The following WWOX variants were observed in gnomAD, a reference collection of about 807,000 sequenced individuals.
WWOX encodes WW domain containing oxidoreductase.
Under a neutral mutation model 46.2 loss-of-function variants are expected in WWOX, and 69 were observed. That is an observed-to-expected ratio of 1.49 (90% CI 1.23 to 1.82). The LOEUF is 1.82. WWOX is among the 40% of genes most tolerant of loss of function. The pLI is 0.00. For missense variants in WWOX, 919 were observed against 542.6 expected (o/e 1.69, Z -6.89); for synonymous variants, 359 against 202.6 (o/e 1.77, Z -6.56).
chr16:78,594,938 C>T (rs545097771), intron 8 of WWOX, among the ~76,000 whole-genome samples: 4 of 152,166 alleles, frequency 2.6e-5, no homozygotes, highest in African/African-American at 7.2e-5. Flanking sequence ...GGGCCTGTCT[C>T]TCAGGAAAGC....
chr16:78,712,494 C>G (rs1287139430), intron 8 of WWOX, among the ~76,000 whole-genome samples: 8 of 149,576 alleles, frequency 5.3e-5, no homozygotes, highest in Non-Finnish European at 1.2e-4. Context: ...GAGTGAGACT[C>G]CATCTTAAAA....
intron 8 of WWOX, among the ~76,000 whole-genome samples, chr16:79,084,452 G>A (rs970150178): frequency 2.0e-5 from 3 of 152,008 alleles, no homozygotes; most frequent in South Asian, 4.1e-4. Context: ...ATGGAGTCTC[G>A]CTCTGTTGCC....
chr16:78,455,500 G>T (rs2083792724), intron 8 of WWOX, among the ~76,000 whole-genome samples: 1 of 151,610 alleles, frequency 6.6e-6, no homozygotes, highest in African/African-American at 2.4e-5. Context: ...AATTAGCTGG[G>T]TGTGTGGTAG....
chr16:78,944,167 C>G (rs1186435621), intron 8 of WWOX, among the ~76,000 whole-genome samples: 2 of 152,040 alleles, frequency 1.3e-5, no homozygotes, highest in African/African-American at 2.4e-5. Context: ...TGATTTTTGT[C>G]TTTCAAGACT....
At chr16:78,692,756 G>C (rs755937026) in intron 8 of WWOX, among the ~76,000 whole-genome samples, 1 of 152,212 alleles carries the variant, frequency 6.6e-6, no homozygotes, top group Non-Finnish European at 1.5e-5. Context: ...TGGGGTATGA[G>C]TGGCCCCAGG....
intron 8 of WWOX, among the ~76,000 whole-genome samples, chr16:78,676,111 A>G (rs1248922673): frequency 6.6e-6 from 1 of 151,734 alleles, no homozygotes; most frequent in Non-Finnish European, 1.5e-5. Context: ...GACAGTAATC[A>G]GACAACCAGA....
At chr16:79,011,364 C>T (rs1001778020) in intron 8 of WWOX, among the ~76,000 whole-genome samples, 1 of 151,814 alleles carries the variant, frequency 6.6e-6, no homozygotes, top group Non-Finnish European at 1.5e-5. Flanking sequence ...CCAATCCTGC[C>T]CCCTTTGGAA....
chr16:78,109,815 C>A lies in WWOX; in HGVS notation c.210C>A (p.Asn70Lys), dbSNP rs762102064. The A allele has an allele frequency of 6.2e-7, 1 of 1,614,062 alleles. No individual in the cohort carries two copies. The highest frequency in any genetic ancestry group is 2.2e-5 in the East Asian group (1 of 44,870). The change falls in exon 3 of 9, where the codon AAC (asparagine) becomes AAA (lysine). Residue 70 changes from asparagine to lysine, a missense_variant. Transcript: ENST00000566780. ...GATGGGAACAAGAAACTGATGAGAA[C>A]GGACAAGTGTTTTTTGTTGAGTAAG... The part of the protein sequence containing the change: ...PYGWEQETDE[N>K]GQVFFVDHIN...
At chr16:78,931,126 A>G (rs182496724) in intron 8 of WWOX, among the ~76,000 whole-genome samples, 192 of 152,354 alleles carry the variant, frequency 1.3e-3, no homozygotes, top group Middle Eastern at 6.8e-3. Context: ...GCAAAATAAA[A>G]GGTCCTATCA....
At chr16:78,444,881 C>G (rs1030109255) in intron 8 of WWOX, among the ~76,000 whole-genome samples, 1 of 152,166 alleles carries the variant, frequency 6.6e-6, no homozygotes, top group Non-Finnish European at 1.5e-5. Flanking sequence ...GGAGAACTCA[C>G]TCAAATGCTG....
rs541093769 is a variant in WWOX, at chr16:78,693,542, C to A, written c.1056+260790C>A. Among the ~76,000 whole-genome samples, 425 of 152,060 alleles carry A rather than the reference C, an allele frequency of 2.8e-3. 3 individuals carry two copies. Among genetic ancestry groups the A allele is most frequent in the South Asian group, 0.018 (86 of 4,810 alleles). ...TGTTTGTTTAAAATATACACAGAAC[C>A]AAATAGTCATAGAGTAGTATTTCAG... On this transcript the variant is annotated intron_variant, in intron 8 of 8. Coordinates refer to ENST00000566780, the MANE Select transcript of WWOX (RefSeq NM_016373.4).
chr16:78,532,502 G>C (rs568007979), intron 8 of WWOX, among the ~76,000 whole-genome samples: 2 of 152,146 alleles, frequency 1.3e-5, no homozygotes, highest in African/African-American at 4.8e-5. Context: ...GTGTTGATAA[G>C]AAACAGCAGG....
chr16:78,690,486 A>C (rs1406109777), intron 8 of WWOX, among the ~76,000 whole-genome samples: 1 of 152,182 alleles, frequency 6.6e-6, no homozygotes, highest in Non-Finnish European at 1.5e-5. Flanking sequence ...CTGGACGTCA[A>C]GGCTGCAGTG....
chr16:78,400,243 G>A (rs116918653), intron 6 of WWOX, among the ~76,000 whole-genome samples: 5,404 of 152,240 alleles, frequency 0.035, 247 homozygotes, highest in Admixed American at 0.13. Flanking sequence ...AAAGGTCTCT[G>A]TTTGTCTCAG....
chr16:79,094,438 G>C lies in WWOX; in HGVS notation c.1057-117170G>C, dbSNP rs1002377499. On this transcript the variant is annotated intron_variant, in intron 8 of 8. Transcript: ENST00000566780. ...CTAATTTTTTTGTATTTTTAGTGGA[G>C]ACTGGGTTTCACCATGTTGGCCAAA... Among the ~76,000 whole-genome samples the C allele has an allele frequency of 7.2e-5, 11 of 152,080 alleles. 1 individual carries two copies. In the East Asian group the frequency reaches 1.9e-3, roughly 27 times the overall value.
intron 8 of WWOX, among the ~76,000 whole-genome samples, chr16:78,654,791 A>T (rs2047044427): frequency 6.6e-6 from 1 of 151,702 alleles, no homozygotes; most frequent in Admixed American, 6.6e-5. Context: ...GTGATGAAAC[A>T]TACTGTTGTT....
intron 5 of WWOX, among the ~76,000 whole-genome samples, chr16:78,272,067 G>A (rs559111770): frequency 6.6e-6 from 1 of 152,300 alleles, no homozygotes; most frequent in Non-Finnish European, 1.5e-5. Flanking sequence ...TCCAATTTAT[G>A]TATAGCCGCA....
intron 8 of WWOX, chr16:78,896,164 A>G (rs1396242513): frequency 6.6e-6 from 1 of 152,190 alleles, no homozygotes; most frequent in Non-Finnish European, 1.5e-5. Context: ...TTCAGAAGAA[A>G]TAAAGTGTGC....
chr16:78,501,193 C>CTCTTTTTTTTT (rs1567609023), intron 8 of WWOX, among the ~76,000 whole-genome samples: 37,344 of 89,780 alleles, frequency 0.42, 9,950 homozygotes, highest in Non-Finnish European at 0.59. Flanking sequence ...CTTTCTTTCT[C>CTCTTTTTTTTT]TTTTTTTTTT....
Sources: gnomAD v4.1 joint callset for allele counts (sites outside exome capture counted in the v4.1 genomes callset) on GRCh38, gnomAD v4.1.1 for gene constraint, MANE v1.5 for transcripts, NCBI Gene and HGNC (gene_info 2026-07-23, HGNC 2026-07-21) for gene names.